The following SHISA6 variants were observed in gnomAD, a reference collection of about 807,000 sequenced individuals.
SHISA6 encodes shisa family member 6.
Under a neutral mutation model 47.9 loss-of-function variants are expected in SHISA6, and 22 were observed. That is an observed-to-expected ratio of 0.46 (90% CI 0.33 to 0.66). SHISA6 has a LOEUF of 0.66. Ranked by LOEUF, SHISA6 falls within the 30% of genes least tolerant of loss-of-function variation. The probability of loss-of-function intolerance (pLI) is 0.02; values close to 1 mark genes in which losing one functional copy is unlikely to be tolerated. For synonymous variants in SHISA6, 388 were observed against 337.8 expected, an observed-to-expected ratio of 1.15 and a Z score of -1.63; for missense variants, 680 against 764.6, an observed-to-expected ratio of 0.89 and a Z score of 1.30.
chr17:11,316,397 G>C (rs1226913890), intron 2 of SHISA6, among the ~76,000 whole-genome samples: 9 of 87,980 alleles, frequency 1.0e-4, no homozygotes, highest in African/African-American at 3.6e-4. Context: ...CCTTCTCTCT[G>C]TCTCTCTCTC....
intron 2 of SHISA6, among the ~76,000 whole-genome samples, chr17:11,379,037 A>G (rs1043331544): frequency 2.2e-4 from 34 of 151,784 alleles, no homozygotes; most frequent in African/African-American, 8.2e-4. Flanking sequence ...TTGTTCTCCT[A>G]TACTTTCAAT....
intron 5 of SHISA6, 124 bp downstream of exon 5, chr17:11,556,016 G>T (rs888510866): frequency 6.5e-6 from 8 of 1,231,720 alleles, no homozygotes; most frequent in Middle Eastern, 2.0e-4. Context: ...AGAAGGAGTT[G>T]CAGGATGAGA....
chr17:11,537,739 C>T (rs2071799699), intron 3 of SHISA6, among the ~76,000 whole-genome samples: 1 of 152,158 alleles, frequency 6.6e-6, no homozygotes, highest in South Asian at 2.1e-4. Flanking sequence ...ATTTATTAAT[C>T]ATTCAAAAAA....
intron 2 of SHISA6, among the ~76,000 whole-genome samples, chr17:11,279,375 A>G (rs991074367): frequency 6.6e-6 from 1 of 152,178 alleles, no homozygotes; most frequent in African/African-American, 2.4e-5. Flanking sequence ...AGCAACAAAG[A>G]CAGTCCTGGA....
chr17:11,511,329 T>A (rs1283898428), intron 3 of SHISA6, among the ~76,000 whole-genome samples: 1 of 152,008 alleles, frequency 6.6e-6, no homozygotes, highest in Non-Finnish European at 1.5e-5. Context: ...GACAAATACC[T>A]AACGCATGAG....
At chr17:11,523,109 T>TA (rs577374247) in intron 3 of SHISA6, among the ~76,000 whole-genome samples, 1 of 152,308 alleles carries the variant, frequency 6.6e-6, no homozygotes, top group East Asian at 1.9e-4. Context: ...TCTGAGCCTC[T>TA]AAAAAAATCC....
chr17:11,325,586 T>C (rs2142199966), intron 2 of SHISA6, among the ~76,000 whole-genome samples: 1 of 152,052 alleles, frequency 6.6e-6, no homozygotes, highest in Middle Eastern at 3.4e-3. Context: ...ACATTTCTCA[T>C]TTAAAAAAAA....
At chr17:11,265,752 A>G (rs972565299) in intron 2 of SHISA6, among the ~76,000 whole-genome samples, 1 of 152,116 alleles carries the variant, frequency 6.6e-6, no homozygotes, top group Non-Finnish European at 1.5e-5. Context: ...CTCATTCTCA[A>G]GCGAGCTGGT....
chr17:11,268,422 T>C (rs1003882), intron 2 of SHISA6, among the ~76,000 whole-genome samples: 147,655 of 152,260 alleles, frequency 0.97, 71,738 homozygotes, highest in East Asian at 1. Context: ...GCTTCCCTCC[T>C]AGGCTGCAGA....
At chr17:11,432,047 C>G (rs1914793353) in intron 3 of SHISA6, among the ~76,000 whole-genome samples, 1 of 152,056 alleles carries the variant, frequency 6.6e-6, no homozygotes, top group African/African-American at 2.4e-5. Flanking sequence ...TAAGAGGGAA[C>G]AAAAAGATTC....
intron 2 of SHISA6, among the ~76,000 whole-genome samples, chr17:11,332,665 C>T (rs1187144574): frequency 6.6e-6 from 1 of 152,150 alleles, no homozygotes; most frequent in Non-Finnish European, 1.5e-5. Flanking sequence ...CATGGAAATT[C>T]AGCTGGGAGC....
rs547747638 is a variant in SHISA6 at position 11,513,218 on chromosome 17, T to C, written c.896-38678T>C. 1.1e-4 allele frequency among the ~76,000 whole-genome samples: 17 copies of C among 149,056 alleles called. No homozygotes were observed. In the South Asian group the frequency reaches 3.6e-3, roughly 32 times the overall value. On this transcript the variant is annotated intron_variant, in intron 3 of 5. Coordinates refer to ENST00000441885, the MANE Select transcript of SHISA6 (RefSeq NM_207386.4). ...TATATGTGTGTATATATGTATGTGT[T>C]ATATATATATATAGTATATATACAT...
chr17:11,463,746 G>A (rs1915745819), intron 3 of SHISA6, among the ~76,000 whole-genome samples: 1 of 152,154 alleles, frequency 6.6e-6, no homozygotes, highest in African/African-American at 2.4e-5. Flanking sequence ...CAAGTACGCA[G>A]TCAATTATTT....
chr17:11,557,897 A>G lies in SHISA6; in HGVS notation c.1249A>G (p.Met417Val), dbSNP rs1221026141. The G allele has an allele frequency of 3.2e-6, 5 of 1,551,450 alleles. No individual in the cohort carries two copies. The Admixed American group carries it at 7.8e-5, about 24-fold the overall frequency. The stretch of plus-strand genomic sequence containing the variant: ...ACGACCCCGCCGGCCCATCCGGGCC[A>G]TGTCCCAGGACAGGGTCCTGTCCCC... The part of the protein sequence containing the change: ...RERPRRPIRA[M>V]SQDRVLSPDR... Residue 417 changes from methionine (M) to valine (V), a missense_variant, in exon 6 of 6, where the codon ATG becomes GTG. Met to Val is a conservative substitution (Grantham distance 21). Around this residue, in one of 2 missense-constraint regions of SHISA6, gnomAD observed 559 missense variants for 674.1 expected, o/e 0.83. Coordinates refer to ENST00000441885, the MANE Select transcript of SHISA6 (RefSeq NM_207386.4).
chr17:11,383,501 A>G (rs891170176), intron 3 of SHISA6, among the ~76,000 whole-genome samples: 1 of 152,078 alleles, frequency 6.6e-6, no homozygotes, highest in African/African-American at 2.4e-5. Context: ...ATATCCCTCA[A>G]AGGCCTCTAC....
At chr17:11,533,587 A>ATTTTTTTTTTT (rs3038696) in intron 3 of SHISA6, among the ~76,000 whole-genome samples, 4 of 95,020 alleles carry the variant, frequency 4.2e-5, no homozygotes, top group Non-Finnish European at 6.0e-5. Flanking sequence ...CCCTTTCATT[A>ATTTTTTTTTTT]TTTTTTTTTT....
chr17:11,449,769 T>C (rs2321718), intron 3 of SHISA6, among the ~76,000 whole-genome samples: 40,193 of 152,212 alleles, frequency 0.26, 5,516 homozygotes, highest in South Asian at 0.36. Flanking sequence ...AAAATCTGCC[T>C]AGCGTCTTTG....
At chr17:11,483,891 G>A (rs1370498292) in intron 3 of SHISA6, among the ~76,000 whole-genome samples, 1 of 152,182 alleles carries the variant, frequency 6.6e-6, no homozygotes, top group African/African-American at 2.4e-5. Context: ...AAGAGGTTGA[G>A]GCTGCAGTGA....
chr17:11,314,032 C>A (rs28375472), intron 2 of SHISA6, among the ~76,000 whole-genome samples: 113,055 of 152,128 alleles, frequency 0.74, 42,187 homozygotes, highest in Middle Eastern at 0.78. Flanking sequence ...TGTGATCATC[C>A]CAGTGAACAG....
Sources: allele counts gnomAD v4.1 joint callset (sites outside exome capture counted in the v4.1 genomes callset), GRCh38; gene constraint gnomAD v4.1.1; regional missense constraint gnomAD v4.1.1; transcripts MANE v1.5; gene names NCBI Gene and HGNC (gene_info 2026-07-23, HGNC 2026-07-21).